Variants in PIAS2 observed in about 807,000 individuals in gnomAD.
PIAS2 encodes the protein E3 SUMO-protein ligase PIAS2.
Under a neutral mutation model 69.7 loss-of-function variants are expected in PIAS2, and 19 were observed. The ratio of observed to expected loss-of-function variants is 0.27; its 90% confidence interval spans 0.19 to 0.40. PIAS2 has a LOEUF of 0.40. Ranked by LOEUF, PIAS2 falls within the 10% of genes least tolerant of loss-of-function variation. The pLI is 1.00. For synonymous variants in PIAS2, 261 were observed against 263.2 expected (o/e 0.99, Z 0.08); for missense variants, 624 against 757.0 (o/e 0.82, Z 2.06).
Position 46,859,755 on chromosome 18 carries a change from C to A in PIAS2, c.585-4140G>T, listed in dbSNP as rs7241306. Among the ~76,000 whole-genome samples the A allele has an allele frequency of 8.4e-3, 1,276 of 152,188 alleles. 19 individuals are homozygous for A. Among genetic ancestry groups the A allele is most frequent in the African/African-American group, 0.028 (1,170 of 41,516 alleles). On this transcript the variant is annotated intron_variant, in intron 3 of 13. Coordinates refer to ENST00000585916, the MANE Select transcript of PIAS2 (RefSeq NM_004671.5). ...AATTTTAGATGTGTTGTGCTTGATG[C>A]CCTTGTAGGTCAAAGGAGAGGCACT...
rs562923004 is a variant in PIAS2, at chr18:46,900,847, G to A, written c.25-9793C>T. Among the ~76,000 whole-genome samples, 40 of 151,258 alleles carry A rather than the reference G, an allele frequency of 2.6e-4. No homozygotes were observed. In the South Asian group the frequency reaches 5.1e-3, roughly 19 times the overall value. On this transcript the variant is annotated intron_variant, in intron 1 of 13. Coordinates refer to ENST00000585916, the MANE Select transcript of PIAS2 (RefSeq NM_004671.5). ...AAATTAGCTGGGCCCGGTGGCAGGC[G>A]CCTATAATCCCAGCTGCTCAGGAGG...
rs1307568666 is a variant in PIAS2 at position 46,809,734 on chromosome 18, A to T, written c.*2699T>A. The T allele has an allele frequency of 6.7e-6, 1 of 149,964 alleles. No individual in the cohort carries two copies. 9.3% of individuals were successfully genotyped at this position (149,964 alleles called of 1,614,324 possible). ...CGCACCATTGCACTCCATCCCGGGC[A>T]ACAAGAGCAAGACTCAGCCTCAAAA... On this transcript the variant is annotated 3_prime_UTR_variant, in exon 14 of 14. Coordinates refer to ENST00000585916, the MANE Select transcript of PIAS2 (RefSeq NM_004671.5).
At chr18:46,825,624 A>T (rs2042745928) in intron 11 of PIAS2, among the ~76,000 whole-genome samples, 1 of 152,212 alleles carries the variant, frequency 6.6e-6, no homozygotes, top group Non-Finnish European at 1.5e-5. Flanking sequence ...ATCAGCACTG[A>T]CTGAAATGCT....
chr18:46,855,459 A>G (rs1269886395), intron 4 of PIAS2, 24 bp from the exon 5 acceptor site: 23 of 1,588,676 alleles, frequency 1.4e-5, no homozygotes, highest in Admixed American at 3.4e-5. Context: ...AGAAAAAAGT[A>G]TTCTTAAATA....
At chr18:46,840,758 C>A (rs1371330763) in intron 8 of PIAS2, among the ~76,000 whole-genome samples, 3 of 152,276 alleles carry the variant, frequency 2.0e-5, no homozygotes, top group East Asian at 3.9e-4. Context: ...AAAATAAATT[C>A]TAATTCTAAT....
intron 1 of PIAS2, among the ~76,000 whole-genome samples, chr18:46,914,579 C>T (rs572837897): frequency 2.7e-5 from 4 of 150,386 alleles, no homozygotes; most frequent in African/African-American, 9.8e-5. Flanking sequence ...ACTCCACCCC[C>T]GACACACAAG....
intron 12 of PIAS2, chr18:46,815,908 T>C: frequency 1.0e-6 from 1 of 985,544 alleles, no homozygotes. Flanking sequence ...CAAGGGTTAC[T>C]GGGTTCTGAG....
chr18:46,843,100 C>T (rs1249422434), intron 8 of PIAS2, among the ~76,000 whole-genome samples: 1 of 152,170 alleles, frequency 6.6e-6, no homozygotes, highest in African/African-American at 2.4e-5. Flanking sequence ...TATCCTTGTT[C>T]TACCAATAAC....
intron 2 of PIAS2, among the ~76,000 whole-genome samples, chr18:46,865,877 T>G (rs1047923277): frequency 6.6e-6 from 1 of 152,212 alleles, no homozygotes; most frequent in African/African-American, 2.4e-5. Flanking sequence ...TAAGTAAGCC[T>G]CTCCATTTCT....
At chr18:46,912,316 GTACTT>G (rs1401596348) in intron 1 of PIAS2, among the ~76,000 whole-genome samples, 1 of 152,122 alleles carries the variant, frequency 6.6e-6, no homozygotes, top group Non-Finnish European at 1.5e-5. Context: ...ATCCTCCTAC[GTACTT>G]TACATCATTT....
intron 1 of PIAS2, among the ~76,000 whole-genome samples, chr18:46,902,197 T>A (rs971992754): frequency 7.1e-5 from 10 of 141,522 alleles, no homozygotes; most frequent in African/African-American, 2.4e-4. Flanking sequence ...TGTAAAAATG[T>A]AACAAACACG....
At chr18:46,815,760 A>T (rs1258858423) in intron 12 of PIAS2, 2 of 1,001,564 alleles carry the variant, frequency 2.0e-6, no homozygotes, top group Non-Finnish European at 2.4e-6. Context: ...ACAGAGGTTC[A>T]TCTAAGTATC....
chr18:46,806,146 C>A lies in PIAS2; in HGVS notation c.*6287G>T, dbSNP rs1045774526. On this transcript the variant is annotated 3_prime_UTR_variant, in exon 14 of 14. Transcript: ENST00000585916. ...TCCCATATCAGTCTCCTAGATAGCA[C>A]AGCTAATTAACGTCACTTCAGTTTA... is the stretch of plus-strand genomic sequence containing the variant. The A allele has an allele frequency of 6.6e-6, 1 of 152,110 alleles. No homozygotes were observed. The highest frequency in any genetic ancestry group is 1.5e-5 in the Non-Finnish European group (1 of 68,046). 9.4% of individuals were successfully genotyped at this position (152,110 alleles called of 1,614,324 possible). A position where few individuals can be genotyped will look rare whatever the true frequency, so the allele number is the denominator to read the frequency against.
chr18:46,837,930 G>A (rs1227864335), intron 8 of PIAS2, among the ~76,000 whole-genome samples: 3 of 152,218 alleles, frequency 2.0e-5, no homozygotes, highest in Non-Finnish European at 2.9e-5. Context: ...CTGACAGTAT[G>A]TGCTCAGTAT....
At chr18:46,848,229 C>G (rs2046432865) in intron 5 of PIAS2, among the ~76,000 whole-genome samples, 1 of 152,212 alleles carries the variant, frequency 6.6e-6, no homozygotes, top group Non-Finnish European at 1.5e-5. Context: ...AAGTCACTGA[C>G]ACCATTAACT....
At chr18:46,848,273 T>A (rs958957476) in intron 5 of PIAS2, among the ~76,000 whole-genome samples, 9 of 152,220 alleles carry the variant, frequency 5.9e-5, no homozygotes, top group African/African-American at 2.2e-4. Context: ...CTGGATCTTA[T>A]GAGAATCCAT....
At chr18:46,817,111 T>C in intron 12 of PIAS2, 1 of 942,096 alleles carries the variant, frequency 1.1e-6, no homozygotes, top group Non-Finnish European at 1.3e-6. Flanking sequence ...CTTCTTATCT[T>C]TTCAGTTTTT....
intron 9 of PIAS2, among the ~76,000 whole-genome samples, chr18:46,831,122 T>TA (rs1258871385): frequency 6.6e-6 from 1 of 152,122 alleles, no homozygotes; most frequent in African/African-American, 2.4e-5. Flanking sequence ...TGTCTCTATT[T>TA]AAAAAACATT....
chr18:46,873,174 G>C (rs921977154), intron 2 of PIAS2, among the ~76,000 whole-genome samples: 7 of 152,162 alleles, frequency 4.6e-5, no homozygotes, highest in Non-Finnish European at 8.8e-5. Flanking sequence ...CATCAGGTTA[G>C]AACAATCTTA....
Sources: allele counts gnomAD v4.1 joint callset (sites outside exome capture counted in the v4.1 genomes callset), GRCh38; gene constraint gnomAD v4.1.1; transcripts MANE v1.5; gene names NCBI Gene and HGNC (gene_info 2026-07-23, HGNC 2026-07-21).